PALB2: variants seen among roughly 807,000 people sequenced by gnomAD.
The protein encoded by PALB2 is mutant partner and localizer of BRCA2.
A neutral mutation model predicts 107.4 loss-of-function variants in PALB2; 82 were observed. The ratio of observed to expected loss-of-function variants is 0.76; its 90% CI spans 0.64 to 0.92. The LOEUF (loss-of-function observed/expected upper bound fraction) is 0.92. PALB2 is among the 40% of genes least tolerant of loss of function. The pLI is 0.00. For synonymous variants in PALB2, 489 were observed against 496.8 expected, an observed-to-expected ratio of 0.98 and a Z score of 0.21; for missense variants, 1,374 against 1,379.9, an observed-to-expected ratio of 1.00 and a Z score of 0.07.
chr16:23,607,487 G>T, intron 12 of PALB2: 1 of 284,738 alleles, frequency 3.5e-6, no homozygotes, highest in Non-Finnish European at 6.9e-6. Context: ...GTAGAGACTG[G>T]GTCTTGCTCT....
rs786202524 is a variant in PALB2, at chr16:23,629,877, T to C, written c.2277A>G (p.Gln759=). 23 of 1,613,962 alleles carry C rather than the reference T, an allele frequency of 1.4e-5. No individual in the cohort carries two copies. In the East Asian group the frequency reaches 2.0e-4, roughly 14 times the overall value. Residue 759 remains glutamine, a synonymous_variant, in exon 5 of 13, where the codon CAA becomes CAG. Coordinates refer to ENST00000261584, the MANE Select transcript of PALB2 (RefSeq NM_024675.4). ...AGACTGAGTCTTTCAAATGAGCAAG[T>C]TGGGGTGTGCAGCAAGTTCGTCCAG... ...EVAGRTCCTP[Q]LAHLKDSVCL... is the part of the protein sequence containing the mutation.
chr16:23,640,897 G>A (rs1052704650), intron 1 of PALB2: 2 of 600,408 alleles, frequency 3.3e-6, no homozygotes, highest in Non-Finnish European at 6.0e-6. Context: ...GTATTAATGC[G>A]CTGCTACTGT....
chr16:23,637,969 C>A lies in PALB2; in HGVS notation c.109-17G>T, dbSNP rs2142458272. The A allele has an allele frequency of 1.9e-6, 3 of 1,609,494 alleles. No homozygotes were observed. The highest frequency in any genetic ancestry group is 2.6e-6 in the Non-Finnish European group (3 of 1,175,796). The stretch of plus-strand genomic sequence containing the variant: ...TTGGGCACGCTAGAGGAGACAAAAA[C>A]AGCCCCAGAAATACGTTTTCTTTAA... On this transcript the variant is annotated splice_polypyrimidine_tract_variant and intron_variant, in intron 2 of 12. Transcript: ENST00000261584.
chr16:23,638,316 A>G (rs1967118351), intron 1 of PALB2, 187 bp from the exon 2 acceptor site: 2 of 641,378 alleles, frequency 3.1e-6, no homozygotes, highest in Admixed American at 2.5e-5. Flanking sequence ...ACCTGTTCCT[A>G]TCATCTGGAA....
At chr16:23,621,791 A>G (rs1256020701) in intron 9 of PALB2, among the ~76,000 whole-genome samples, 1 of 152,162 alleles carries the variant, frequency 6.6e-6, no homozygotes, top group Non-Finnish European at 1.5e-5. Context: ...TCCAAGTTTC[A>G]GGGTTGGTCA....
At position 23,603,384 on chromosome 16, in the gene PALB2, C is replaced by T. The variant is rs189962793; in HGVS notation, c.*75G>A. 1.9e-5 allele frequency: 23 copies of T among 1,235,852 alleles called. No individual in the cohort carries two copies. The African/African-American group carries it at 2.2e-4, about 12-fold the overall frequency. 76.6% of individuals were successfully genotyped at this position (1,235,852 alleles called of 1,614,324 possible). Reference sequence around the variant, plus strand: ...TTTTAAGTGTCATTCAGATATTCTCCTTTATATTTAAAACTCCAAAAAATA... The same window carrying T: ...TTTTAAGTGTCATTCAGATATTCTCTTTTATATTTAAAACTCCAAAAAATA... On this transcript the variant is annotated 3_prime_UTR_variant, in exon 13 of 13. Coordinates refer to ENST00000261584, the MANE Select transcript of PALB2 (RefSeq NM_024675.4).
intron 11 of PALB2, among the ~76,000 whole-genome samples, chr16:23,609,277 A>G (rs1966540285): frequency 6.6e-5 from 10 of 152,224 alleles, no homozygotes; most frequent in Admixed American, 6.5e-4. Context: ...ATTAAAATTT[A>G]GCTGGGTGCT....
chr16:23,608,069 A>AAT, intron 11 of PALB2, 57 bp from the exon 12 acceptor site: 1 of 1,568,470 alleles, frequency 6.4e-7, no homozygotes, highest in Admixed American at 1.7e-5. Context: ...TGTCAGGAAA[A>AAT]ATAAAGATCT....
At chr16:23,640,907 T>C (rs1052521482) in intron 1 of PALB2, 9 of 616,542 alleles carry the variant, frequency 1.5e-5, no homozygotes, top group Non-Finnish European at 2.6e-5. Context: ...GCTGCTACTG[T>C]AATGAAATTT....
chr16:23,629,175 G>T, intron 6 of PALB2, 29 bp downstream of exon 6: 2 of 1,558,506 alleles, frequency 1.3e-6, no homozygotes, highest in Non-Finnish European at 1.8e-6. Context: ...TGTAAGACAC[G>T]AGACACTGGA....
Position 23,635,166 on chromosome 16 carries a change from T to C in PALB2, c.1380A>G (p.Gln460=), listed in dbSNP as rs372641262. Residue 460 remains glutamine, a synonymous_variant, in exon 4 of 13, where the codon CAA becomes CAG. Transcript: ENST00000261584. ...ATGTGCCAGACATCCTAATTTCACT[T>C]TGGTCAGTTTCCTCATTGGAAAGGT... The part of the protein sequence containing the change: ...NLNLSNEETD[Q]SEIRMSGTCT... 2 of 1,614,096 alleles carry C rather than the reference T, an allele frequency of 1.2e-6. No individual in the cohort carries two copies. The highest frequency in any genetic ancestry group is 1.7e-6 in the Non-Finnish European group (2 of 1,180,052).
chr16:23,635,345 C>T lies in PALB2; in HGVS notation c.1201G>A (p.Gly401Ser), dbSNP rs2142422891. ...TAATATTCTGCAGGAAACAGAAGGCCTTCAGGCACTGTGCAAGAATGTTTT... is the reference window on the plus strand; with the variant it reads ...TAATATTCTGCAGGAAACAGAAGGCTTTCAGGCACTGTGCAAGAATGTTTT... ...AEKHSCTVPEGLLFPAEYYVR... is the reference protein window; with the variant it reads ...AEKHSCTVPESLLFPAEYYVR... The change falls in exon 4 of 13, where the codon GGC (glycine) becomes AGC (serine). Residue 401 changes from glycine (G) to serine (S), a missense_variant. By Grantham distance (56) the Gly-to-Ser change is moderately conservative. Transcript: ENST00000261584. 6.2e-7 allele frequency: 1 copy of T among 1,614,006 alleles called. No homozygotes were observed.
Position 23,618,608 on chromosome 16 carries a change from C to T in PALB2, c.3113+2754G>A, listed in dbSNP as rs938012320. Among the ~76,000 whole-genome samples the T allele has an allele frequency of 4.0e-5, 6 of 151,414 alleles. No individual in the cohort carries two copies. The South Asian group carries it at 1.0e-3, about 26-fold the overall frequency. On this transcript the variant is annotated intron_variant, in intron 10 of 12. Coordinates refer to ENST00000261584, the MANE Select transcript of PALB2 (RefSeq NM_024675.4). ...TGACCTGCGTTTGAGCCCAGGCATTCGAGGTTGCAGTGAGCTATGGTCATG... is the reference window on the plus strand; with the variant it reads ...TGACCTGCGTTTGAGCCCAGGCATTTGAGGTTGCAGTGAGCTATGGTCATG...
At position 23,630,018 on chromosome 16, in the gene PALB2, C is replaced by T. The variant is rs905951607; in HGVS notation, c.2136G>A (p.Ala712=). The T allele has an allele frequency of 2.5e-6, 4 of 1,613,938 alleles. No individual in the cohort carries two copies. Among genetic ancestry groups the T allele is most frequent in the Non-Finnish European group, 3.4e-6 (4 of 1,180,026 alleles). ...ILLYTPLNTV[A]PDDNDRPTTD... ...TGGTAGGCCTGTCATTATCATCAGG[C>T]GCAACCGTATTTAAAGGAGTATAAA... The change falls in exon 5 of 13, where the codon GCG becomes GCA. Residue 712 remains alanine (A), a synonymous_variant. Coordinates refer to ENST00000261584, the MANE Select transcript of PALB2 (RefSeq NM_024675.4).
In PALB2 at chr16:23,634,913, C is replaced by A. The variant is rs180177103; in HGVS notation, c.1633G>T (p.Glu545Ter). ...TGCTGATATTTGTGTGAGGTGACTT[C>A]TTCCTTGGACCTGTTAACAATCGAC... ...SLSIVNRSKE[E>*]VTSHKYQHEK... The change falls in exon 4 of 13, where the codon GAA (glutamate) becomes TAA (stop). Residue 545 changes from glutamate to a stop codon, truncating the protein, a stop_gained. Transcript: ENST00000261584. LOFTEE classifies it high-confidence loss of function. 1.9e-6 allele frequency: 3 copies of A among 1,614,056 alleles called. No homozygotes were observed. Among genetic ancestry groups the A allele is most frequent in the South Asian group, 2.2e-5 (2 of 91,088 alleles).
intron 12 of PALB2, chr16:23,607,532 G>C (rs1184070056): frequency 1.1e-5 from 4 of 349,532 alleles, no homozygotes; most frequent in Admixed American, 3.8e-5. Context: ...CTGGGCTCAA[G>C]CTCTCCTCCC....
rs1057523525 is a variant in PALB2 at position 23,636,117 on chromosome 16, C to A, written c.429G>T (p.Leu143=). 1.2e-6 allele frequency: 2 copies of A among 1,613,594 alleles called. No individual in the cohort carries two copies. The highest frequency in any genetic ancestry group is 1.1e-5 in the South Asian group (1 of 91,032). The part of the protein sequence containing the change: ...SDPSGEQKQK[L]PSRRKKQQKR... Reference sequence around the variant, plus strand: ...TCTGCTGCTTCTTTCTTCTGCTTGGCAGCTTCTGCTTTTGCTCACCACTAG... The same window carrying A: ...TCTGCTGCTTCTTTCTTCTGCTTGGAAGCTTCTGCTTTTGCTCACCACTAG... The change falls in exon 4 of 13, where the codon CTG becomes CTT. Residue 143 remains leucine, a synonymous_variant. Coordinates refer to ENST00000261584, the MANE Select transcript of PALB2 (RefSeq NM_024675.4).
chr16:23,609,235 C>T (rs1306722256), intron 11 of PALB2, among the ~76,000 whole-genome samples: 2 of 152,184 alleles, frequency 1.3e-5, no homozygotes, highest in Non-Finnish European at 2.9e-5. Flanking sequence ...CTGGGAAACA[C>T]AGCTGAAGAC....
In PALB2 at chr16:23,636,252, G is replaced by C. The variant is rs1060502730; in HGVS notation, c.294C>G (p.Ile98Met). ...LDEETGEKTS[I>M]TLDVGPESFN... ...AGGACTCAGGCCCAACATCAAGTGT[G>C]ATAGATGTCTTTTCTCCAGTTTCTT... Residue 98 changes from isoleucine (I) to methionine (M), a missense_variant, in exon 4 of 13, where the codon ATC becomes ATG. Physicochemically the swap from Ile to Met is conservative, Grantham distance 10. Coordinates refer to ENST00000261584, the MANE Select transcript of PALB2 (RefSeq NM_024675.4). 2.5e-6 allele frequency: 4 copies of C among 1,613,738 alleles called. No homozygotes were observed. Among genetic ancestry groups the C allele is most frequent in the Non-Finnish European group, 3.4e-6 (4 of 1,179,828 alleles).
Sources: gnomAD v4.1 joint callset for allele counts (sites outside exome capture counted in the v4.1 genomes callset) on GRCh38, gnomAD v4.1.1 for gene constraint, MANE v1.5 for transcripts, NCBI Gene and HGNC (gene_info 2026-07-23, HGNC 2026-07-21) for gene names.